Variants in TENM3 observed in about 807,000 individuals in gnomAD.
TENM3 encodes the protein teneurin-3.
TENM3 carries 63 observed loss-of-function variants against 255.1 expected under a neutral mutation model. That is an observed-to-expected ratio of 0.25 (90% CI 0.20 to 0.30). The LOEUF is 0.30. Ranked by LOEUF, TENM3 falls within the 10% of genes least tolerant of loss-of-function variation. The pLI is 1.00. For synonymous variants in TENM3, 1,306 were observed against 1,322.3 expected (o/e 0.99, Z 0.27); for missense variants, 2,929 against 3,461.1 (o/e 0.85, Z 3.86).
At chr4:182,012,305 C>T in the TENM3 span, among the ~76,000 whole-genome samples, 6 of 152,230 alleles carry the variant, frequency 3.9e-5, no homozygotes, top group Non-Finnish European at 5.9e-5. Flanking sequence ...CACTTTTCCT[C>T]TCCTGGGCTT....
chr4:181,896,449 G>A, the TENM3 span, among the ~76,000 whole-genome samples: 5 of 152,146 alleles, frequency 3.3e-5, no homozygotes, highest in Non-Finnish European at 7.4e-5. Flanking sequence ...CTGAAGTTAA[G>A]AACAATGTTC....
At chr4:181,806,521 C>T in the TENM3 span, among the ~76,000 whole-genome samples, 3 of 152,186 alleles carry the variant, frequency 2.0e-5, no homozygotes, top group Non-Finnish European at 2.9e-5. Flanking sequence ...ATGAATGCGC[C>T]ACCTTCCTGG....
the TENM3 span, among the ~76,000 whole-genome samples, chr4:181,626,136 A>G: frequency 1.3e-5 from 2 of 152,142 alleles, no homozygotes; most frequent in South Asian, 2.1e-4. Context: ...TTCTGCCACA[A>G]TTGGGTAAAT....
At chr4:182,550,098 A>G (rs184757850) in intron 3 of TENM3, among the ~76,000 whole-genome samples, 5 of 152,352 alleles carry the variant, frequency 3.3e-5, no homozygotes, top group Admixed American at 3.3e-4. Context: ...GTTACATTTT[A>G]AACATTAACC....
intron 12 of TENM3, among the ~76,000 whole-genome samples, chr4:182,697,483 C>T (rs1052944189): frequency 6.6e-6 from 1 of 152,168 alleles, no homozygotes; most frequent in African/African-American, 2.4e-5. Context: ...AGAACGAGAA[C>T]TTCTTGAGGT....
intron 4 of TENM3, among the ~76,000 whole-genome samples, chr4:182,602,110 G>C (rs565659683): frequency 6.6e-6 from 1 of 152,234 alleles, no homozygotes; most frequent in Non-Finnish European, 1.5e-5. Flanking sequence ...GGACAGGAGC[G>C]TAACAGTCAC....
the TENM3 span, among the ~76,000 whole-genome samples, chr4:181,492,988 AG>A: frequency 6.6e-6 from 1 of 152,228 alleles, no homozygotes; most frequent in Non-Finnish European, 1.5e-5. Context: ...TTCAAATAGA[AG>A]CAGTGATAAG....
chr4:181,644,580 C>G, the TENM3 span, among the ~76,000 whole-genome samples: 3,690 of 152,282 alleles, frequency 0.024, 69 homozygotes, highest in Admixed American at 0.064. Context: ...ACACCTTCTG[C>G]CTGCCTCACC....
At chr4:182,273,850 T>C (rs1759815458) in intron 1 of TENM3, among the ~76,000 whole-genome samples, 1 of 152,176 alleles carries the variant, frequency 6.6e-6, no homozygotes, top group Non-Finnish European at 1.5e-5. Flanking sequence ...TACAAAAATA[T>C]TTTGGTTTAA....
At chr4:181,885,816 A>G in the TENM3 span, among the ~76,000 whole-genome samples, 1 of 152,338 alleles carries the variant, frequency 6.6e-6, no homozygotes, top group African/African-American at 2.4e-5. Context: ...CATGTTAACA[A>G]AATAATATGA....
At chr4:182,120,085 G>A in the TENM3 span, among the ~76,000 whole-genome samples, 21 of 3,044 alleles carry the variant, frequency 6.9e-3, no homozygotes, top group East Asian at 0.12. Context: ...ACACACATGC[G>A]TGCGTGCGCG....
intron 3 of TENM3, among the ~76,000 whole-genome samples, chr4:182,571,235 T>C (rs567947304): frequency 6.6e-6 from 1 of 152,196 alleles, no homozygotes; most frequent in South Asian, 2.1e-4. Flanking sequence ...TTTTTAAAAC[T>C]ATACCTTAGG....
At chr4:182,163,344 C>T (rs371364778) in intron 1 of TENM3, among the ~76,000 whole-genome samples, 1 of 152,240 alleles carries the variant, frequency 6.6e-6, no homozygotes, top group African/African-American at 2.4e-5. Flanking sequence ...GCATGGAAGC[C>T]GAGATCCATA....
At chr4:182,114,271 A>G in the TENM3 span, among the ~76,000 whole-genome samples, 1 of 133,070 alleles carries the variant, frequency 7.5e-6, no homozygotes, top group Non-Finnish European at 1.7e-5. Flanking sequence ...TAGTCCAAGA[A>G]TTTTTTGACA....
At chr4:181,934,939 T>C in the TENM3 span, among the ~76,000 whole-genome samples, 1 of 152,250 alleles carries the variant, frequency 6.6e-6, no homozygotes, top group Non-Finnish European at 1.5e-5. Context: ...TTTAATTTGC[T>C]TAAACTCTAT....
the TENM3 span, among the ~76,000 whole-genome samples, chr4:181,848,086 TTATC>T: frequency 4.6e-5 from 7 of 152,204 alleles, 1 homozygote; most frequent in South Asian, 8.3e-4. Context: ...ATTGCGCCCT[TTATC>T]TATTCTAGTG....
the TENM3 span, among the ~76,000 whole-genome samples, chr4:181,710,874 A>T: frequency 6.6e-6 from 1 of 150,834 alleles, no homozygotes; most frequent in Non-Finnish European, 1.5e-5. Context: ...AAAAGAAAAG[A>T]AAAAAGGAAA....
the TENM3 span, among the ~76,000 whole-genome samples, chr4:182,066,589 G>GT: frequency 7.9e-4 from 20 of 25,310 alleles, no homozygotes; most frequent in Admixed American, 1.7e-3. Context: ...AAGAATTATG[G>GT]TAAAAAAAAA....
intron 3 of TENM3, among the ~76,000 whole-genome samples, chr4:182,452,852 G>C (rs927127520): frequency 1.3e-5 from 2 of 152,088 alleles, no homozygotes; most frequent in Admixed American, 1.3e-4. Context: ...ACTCTTGTTG[G>C]AGTTTTGTCT....
Sources: gnomAD v4.1 joint callset for allele counts (sites outside exome capture counted in the v4.1 genomes callset) on GRCh38, gnomAD v4.1.1 for gene constraint, MANE v1.5 for transcripts, NCBI Gene and HGNC (gene_info 2026-07-23, HGNC 2026-07-21) for gene names.